Variants in UBE2D2 observed in about 807,000 individuals in gnomAD.
UBE2D2 encodes the protein ubiquitin-conjugating enzyme E2 D2.
Under a neutral mutation model 24.2 loss-of-function variants are expected in UBE2D2, and 2 were observed. That is an observed-to-expected ratio of 0.08 (90% CI 0.03 to 0.26). UBE2D2 has a LOEUF of 0.26. Among genes scored for constraint, UBE2D2 ranks in the 10% least tolerant of loss-of-function variants. The pLI, the probability that UBE2D2 is intolerant of heterozygous loss-of-function variation, is 1.00. For missense variants in UBE2D2, 44 were observed against 177.6 expected (o/e 0.25, Z 4.28); for synonymous variants, 58 against 56.5 (o/e 1.03, Z -0.12).
chr5:139,559,662 G>A (rs188552017), upstream of UBE2D2, among the ~76,000 whole-genome samples: 19 of 152,244 alleles, frequency 1.2e-4, no homozygotes, highest in East Asian at 3.1e-3. Flanking sequence ...CCTACTGTGT[G>A]GCTTTTGGCA....
At chr5:139,610,444 G>A (rs1168170755) in intron 2 of UBE2D2, among the ~76,000 whole-genome samples, 2 of 152,162 alleles carry the variant, frequency 1.3e-5, no homozygotes, top group Non-Finnish European at 2.9e-5. Context: ...AGGAGGCTGA[G>A]GCAGGAGAAT....
intron 1 of UBE2D2, chr5:139,562,407 G>A (rs1165713466): frequency 2.3e-6 from 3 of 1,308,504 alleles, no homozygotes; most frequent in Non-Finnish European, 3.0e-6. Flanking sequence ...AAAAAAAAAA[G>A]GTGACTTAAT....
chr5:139,530,806 C>G (rs189303785), intron 1 of UBE2D2, among the ~76,000 whole-genome samples: 1 of 152,018 alleles, frequency 6.6e-6, no homozygotes, highest in Non-Finnish European at 1.5e-5. Flanking sequence ...GGACTCAGTC[C>G]GGGAGCCATG....
intron 5 of UBE2D2, among the ~76,000 whole-genome samples, chr5:139,621,140 G>A (rs999143598): frequency 6.6e-6 from 1 of 152,230 alleles, no homozygotes; most frequent in Non-Finnish European, 1.5e-5. Context: ...CTTACCTGGA[G>A]AGTGAGGTGG....
At chr5:139,603,810 T>G (rs1209836517) in intron 2 of UBE2D2, among the ~76,000 whole-genome samples, 2 of 150,276 alleles carry the variant, frequency 1.3e-5, no homozygotes, top group Non-Finnish European at 3.0e-5. Flanking sequence ...ATTAGCCAGG[T>G]GTGGTGGTGG....
chr5:139,552,854 G>A (rs1049622935), intron 1 of UBE2D2, among the ~76,000 whole-genome samples: 1 of 151,778 alleles, frequency 6.6e-6, no homozygotes, highest in African/African-American at 2.4e-5. Flanking sequence ...AGCTAATTTT[G>A]TATTTTTAGT....
chr5:139,604,790 G>T (rs1754160847), intron 2 of UBE2D2, among the ~76,000 whole-genome samples: 2 of 151,986 alleles, frequency 1.3e-5, no homozygotes, highest in South Asian at 4.1e-4. Context: ...TGAGGCAGGA[G>T]GAACACCTGA....
At chr5:139,542,910 G>C (rs1752777424) in intron 1 of UBE2D2, among the ~76,000 whole-genome samples, 1 of 152,036 alleles carries the variant, frequency 6.6e-6, no homozygotes, top group Admixed American at 6.6e-5. Flanking sequence ...CTTTTTATTT[G>C]TTCATTGAGA....
At chr5:139,597,117 A>G (rs956468814) in intron 1 of UBE2D2, among the ~76,000 whole-genome samples, 16 of 152,028 alleles carry the variant, frequency 1.1e-4, no homozygotes, top group East Asian at 1.9e-4. Flanking sequence ...TTAGTGTACA[A>G]TTTGAGTTTT....
Position 139,538,070 on chromosome 5 carries a change from C to T in UBE2D2, c.-64+11458C>T, listed in dbSNP as rs535927030. On this transcript the variant is annotated intron_variant, in intron 1 of 6. Coordinates refer to the UBE2D2 transcript ENST00000511725. ...TTGTGGAGATAGAGTCTCACTCTTT[C>T]ACCTTGGGCTGGAGTGCAATGGCAG... Among the ~76,000 whole-genome samples, 22 of 152,036 alleles carry T rather than the reference C, an allele frequency of 1.4e-4. 1 individual carries two copies. The highest frequency in any genetic ancestry group is 4.6e-4 in the African/African-American group (19 of 41,476).
At chr5:139,587,937 G>A (rs574025939) in intron 1 of UBE2D2, among the ~76,000 whole-genome samples, 1 of 152,164 alleles carries the variant, frequency 6.6e-6, no homozygotes, top group East Asian at 1.9e-4. Context: ...TATTAGCTAA[G>A]TTGCGAGCCC....
chr5:139,589,418 G>C (rs1172414718), intron 1 of UBE2D2, among the ~76,000 whole-genome samples: 1 of 152,134 alleles, frequency 6.6e-6, no homozygotes, highest in Non-Finnish European at 1.5e-5. Flanking sequence ...AAATTTGCCA[G>C]GCATGTTGGT....
upstream of UBE2D2, among the ~76,000 whole-genome samples, chr5:139,559,491 A>C (rs1436047920): frequency 6.6e-6 from 1 of 151,856 alleles, no homozygotes; most frequent in Non-Finnish European, 1.5e-5. Context: ...ATTTCTTAGG[A>C]AGAAAATATC....
At chr5:139,539,585 A>T (rs1302433384) in intron 1 of UBE2D2, among the ~76,000 whole-genome samples, 1 of 151,974 alleles carries the variant, frequency 6.6e-6, no homozygotes, top group Non-Finnish European at 1.5e-5. Flanking sequence ...TTGTACCAAC[A>T]TCAATTTCCT....
rs1331280687 is a variant in UBE2D2 at position 139,567,934 on chromosome 5, G to A, written c.24+6119G>A. 3.9e-5 allele frequency among the ~76,000 whole-genome samples: 6 copies of A among 152,308 alleles called. 1 individual carries two copies. The highest frequency in any genetic ancestry group is 7.3e-5 in the Non-Finnish European group (5 of 68,036). On this transcript the variant is annotated intron_variant, in intron 1 of 6. Coordinates refer to ENST00000398733, the MANE Select transcript of UBE2D2 (RefSeq NM_003339.3). ...ACTCTTCCATTATGATCTGTTTCAT[G>A]TTTTGAGTTTCTCTGTAGACTGACA...
chr5:139,616,638 A>G (rs1721799612), intron 5 of UBE2D2, among the ~76,000 whole-genome samples: 1 of 152,220 alleles, frequency 6.6e-6, no homozygotes, highest in African/African-American at 2.4e-5. Context: ...TGAAATGAAC[A>G]CTCATATTCT....
At chr5:139,536,420 G>C (rs371091050) in intron 1 of UBE2D2, among the ~76,000 whole-genome samples, 1 of 151,072 alleles carries the variant, frequency 6.6e-6, no homozygotes, top group Admixed American at 6.6e-5. Flanking sequence ...CTGGAGTGCA[G>C]TGGCATAATC....
chr5:139,586,616 T>G (rs1753731739), intron 1 of UBE2D2, among the ~76,000 whole-genome samples: 1 of 152,128 alleles, frequency 6.6e-6, no homozygotes, highest in Middle Eastern at 3.4e-3. Flanking sequence ...ATACAAAAAA[T>G]TAGCCGGGCG....
chr5:139,576,799 G>A (rs1423595665), intron 1 of UBE2D2, among the ~76,000 whole-genome samples: 1 of 152,028 alleles, frequency 6.6e-6, no homozygotes, highest in Non-Finnish European at 1.5e-5. Flanking sequence ...TTCTTTAGAT[G>A]TACCTGTTCA....
Sources: gnomAD v4.1 joint callset for allele counts (sites outside exome capture counted in the v4.1 genomes callset) on GRCh38, gnomAD v4.1.1 for gene constraint, MANE v1.5 for transcripts, NCBI Gene and HGNC (gene_info 2026-07-23, HGNC 2026-07-21) for gene names.